RHOH: variants seen among roughly 807,000 people sequenced by gnomAD.
RHOH encodes rho-related GTP-binding protein RhoH.
A neutral mutation model predicts 13.8 loss-of-function variants in RHOH; 6 were observed. The observed-to-expected ratio is 0.44, with a 90% CI of 0.24 to 0.86. The LOEUF is 0.86. Ranked by LOEUF, RHOH falls within the 40% of genes least tolerant of loss-of-function variation. The probability of loss-of-function intolerance (pLI) is 0.24; values close to 1 mark genes in which losing one functional copy is unlikely to be tolerated. For missense variants in RHOH, 147 were observed against 244.5 expected, an observed-to-expected ratio of 0.60 and a Z score of 2.66; for synonymous variants, 117 against 103.0, an observed-to-expected ratio of 1.14 and a Z score of -0.82.
At chr4:40,191,183 T>G (rs188541501), upstream of RHOH, 92 of 152,342 alleles carry the variant, frequency 6.0e-4, no homozygotes, top group African/African-American at 2.0e-3. Flanking sequence ...GATACTGCTC[T>G]TACTAACACT....
rs183423723 is a variant in RHOH, at chr4:40,232,278, G to A, written c.-330-10436G>A. ...CTTGCTTTGTTGCCCAGGCTGGAGT[G>A]CAGTGGTGTGATAATGGCTTACTGC... On this transcript the variant is annotated intron_variant, in intron 1 of 2. Transcript: ENST00000381799. 2.2e-4 allele frequency among the ~76,000 whole-genome samples: 34 copies of A among 152,146 alleles called. No individual in the cohort carries two copies. In the East Asian group the frequency reaches 6.4e-3, roughly 28 times the overall value.
At chr4:40,196,112 T>A (rs1723108807), upstream of RHOH, among the ~76,000 whole-genome samples, 1 of 152,174 alleles carries the variant, frequency 6.6e-6, no homozygotes, top group African/African-American at 2.4e-5. Flanking sequence ...ATAATATTGA[T>A]GTCCGGTCCC....
At chr4:40,194,296 T>C (rs2109329412), upstream of RHOH, among the ~76,000 whole-genome samples, 1 of 152,226 alleles carries the variant, frequency 6.6e-6, no homozygotes, top group Non-Finnish European at 1.5e-5. Context: ...TGGTATGATC[T>C]TGCCTCACTA....
chr4:40,208,589 A>AT (rs971079674), intron 1 of RHOH, among the ~76,000 whole-genome samples: 17 of 152,234 alleles, frequency 1.1e-4, no homozygotes, highest in Non-Finnish European at 1.6e-4. Flanking sequence ...ATTATTTTGA[A>AT]TTTTTTTAGG....
At position 40,245,756 on chromosome 4, in the gene RHOH, G is replaced by C. The variant is rs1199873196; in HGVS notation, c.*1794G>C. The stretch of plus-strand genomic sequence containing the variant: ...GAATTATGTTGACATAGCCAAACCA[G>C]TTTCTCTGTTCCCTTGTGTGGTCAA... On this transcript the variant is annotated 3_prime_UTR_variant, in exon 3 of 3. Coordinates refer to ENST00000381799, the MANE Select transcript of RHOH (RefSeq NM_004310.5). The C allele has an allele frequency of 6.6e-6, 1 of 152,146 alleles. No homozygotes were observed. Among genetic ancestry groups the C allele is most frequent in the Non-Finnish European group, 1.5e-5 (1 of 68,032 alleles). 9.4% of individuals were successfully genotyped at this position (152,146 alleles called of 1,614,324 possible).
intron 1 of RHOH, among the ~76,000 whole-genome samples, chr4:40,241,227 A>T (rs1469520006): frequency 6.6e-6 from 1 of 152,158 alleles, no homozygotes; most frequent in Non-Finnish European, 1.5e-5. Flanking sequence ...GAGTCTGGAG[A>T]AAGAGTCCAG....
intron 1 of RHOH, among the ~76,000 whole-genome samples, chr4:40,234,067 A>G (rs986840177): frequency 2.0e-5 from 3 of 152,244 alleles, no homozygotes; most frequent in Non-Finnish European, 4.4e-5. Context: ...CTTACTTTAT[A>G]GCATCGTGAC....
intron 1 of RHOH, among the ~76,000 whole-genome samples, chr4:40,203,120 C>T (rs1028849294): frequency 3.9e-5 from 6 of 152,054 alleles, no homozygotes; most frequent in East Asian, 1.9e-4. Flanking sequence ...TACAGGTGCC[C>T]GCCACCAGGC....
intron 1 of RHOH, among the ~76,000 whole-genome samples, chr4:40,199,005 G>A (rs115370961): frequency 0.01 from 1,562 of 152,050 alleles, 24 homozygotes; most frequent in African/African-American, 0.036. Flanking sequence ...CCCAACTTTT[G>A]AGCCAGATCA....
intron 1 of RHOH, among the ~76,000 whole-genome samples, chr4:40,219,035 G>A (rs1726213111): frequency 6.6e-6 from 1 of 152,158 alleles, no homozygotes; most frequent in Non-Finnish European, 1.5e-5. Flanking sequence ...TCAATCTACT[G>A]ATAAGGAAAA....
chr4:40,194,854 C>G (rs1722964777), upstream of RHOH, among the ~76,000 whole-genome samples: 1 of 152,212 alleles, frequency 6.6e-6, no homozygotes, highest in Non-Finnish European at 1.5e-5. Context: ...GGAACCACCT[C>G]ACGGACTTGT....
intron 1 of RHOH, among the ~76,000 whole-genome samples, chr4:40,229,010 C>A (rs1026816094): frequency 6.6e-6 from 1 of 152,134 alleles, no homozygotes; most frequent in Non-Finnish European, 1.5e-5. Context: ...ATCTCAGGGG[C>A]CTCCTTTGGC....
intron 1 of RHOH, among the ~76,000 whole-genome samples, chr4:40,214,558 A>C (rs769563809): frequency 3.3e-5 from 5 of 152,206 alleles, no homozygotes; most frequent in Non-Finnish European, 5.9e-5. Context: ...CTACCAAGGC[A>C]AGCCTAGGGA....
chr4:40,230,883 T>G (rs545860394), intron 1 of RHOH, among the ~76,000 whole-genome samples: 1 of 150,604 alleles, frequency 6.6e-6, no homozygotes, highest in African/African-American at 2.5e-5. Flanking sequence ...CCTAGAAAAA[T>G]TTTCAGAGTC....
chr4:40,215,165 GT>G (rs1317558908), intron 1 of RHOH, among the ~76,000 whole-genome samples: 1 of 152,162 alleles, frequency 6.6e-6, no homozygotes, highest in Non-Finnish European at 1.5e-5. Context: ...GTCCAGCGAG[GT>G]TCCTCTTACG....
chr4:40,242,461 C>T (rs377163295), intron 1 of RHOH, among the ~76,000 whole-genome samples: 4 of 152,278 alleles, frequency 2.6e-5, no homozygotes, highest in Admixed American at 6.5e-5. Context: ...GTTCAAGCAG[C>T]GTGCTCAAAG....
At chr4:40,227,143 A>G (rs1231092267) in intron 1 of RHOH, among the ~76,000 whole-genome samples, 1 of 151,306 alleles carries the variant, frequency 6.6e-6, no homozygotes, top group East Asian at 1.9e-4. Flanking sequence ...GGTGACAGTG[A>G]GACTCTGAAA....
At chr4:40,216,862 A>G (rs577000874) in intron 1 of RHOH, among the ~76,000 whole-genome samples, 13 of 152,334 alleles carry the variant, frequency 8.5e-5, no homozygotes, top group African/African-American at 3.1e-4. Context: ...CAGGATTAGA[A>G]GATGATCTTT....
At chr4:40,238,702 T>C (rs1017379514) in intron 1 of RHOH, among the ~76,000 whole-genome samples, 1 of 152,184 alleles carries the variant, frequency 6.6e-6, no homozygotes, top group African/African-American at 2.4e-5. Flanking sequence ...ATTAATTCTA[T>C]CTGATTCAAA....
Sources: allele counts gnomAD v4.1 joint callset (sites outside exome capture counted in the v4.1 genomes callset), GRCh38; gene constraint gnomAD v4.1.1; transcripts MANE v1.5; gene names NCBI Gene and HGNC (gene_info 2026-07-23, HGNC 2026-07-21).